DLGAP2: variants seen among roughly 807,000 people sequenced by gnomAD.
DLGAP2 encodes disks large-associated protein 2.
A neutral mutation model predicts 100.3 loss-of-function variants in DLGAP2; 26 were observed. The ratio of observed to expected loss-of-function variants is 0.26; its 90% CI spans 0.19 to 0.36. The LOEUF is 0.36. Ranked by LOEUF, DLGAP2 falls within the 10% of genes least tolerant of loss-of-function variation. The pLI, the probability that DLGAP2 is intolerant of heterozygous loss-of-function variation, is 1.00. For missense variants in DLGAP2, 1,858 were observed against 1,453.2 expected, an observed-to-expected ratio of 1.28 and a Z score of -4.53; for synonymous variants, 886 against 630.1, an observed-to-expected ratio of 1.41 and a Z score of -6.08.
At chr8:1,535,772 C>G (rs1801135556) in intron 4 of DLGAP2, among the ~76,000 whole-genome samples, 1 of 152,216 alleles carries the variant, frequency 6.6e-6, no homozygotes, top group Non-Finnish European at 1.5e-5. Context: ...ACTTAGGACA[C>G]ATTGTTGAGC....
chr8:1,217,821 C>T (rs1246595355), intron 2 of DLGAP2, among the ~76,000 whole-genome samples: 1 of 152,076 alleles, frequency 6.6e-6, no homozygotes, highest in African/African-American at 2.4e-5. Context: ...GAGGGTATCT[C>T]ATTGTGATTT....
At chr8:1,257,430 C>T (rs935695266) in intron 2 of DLGAP2, among the ~76,000 whole-genome samples, 1 of 152,064 alleles carries the variant, frequency 6.6e-6, no homozygotes, top group Non-Finnish European at 1.5e-5. Flanking sequence ...TCTGCCTGCC[C>T]CTCCACCCCC....
At chr8:1,426,729 A>T (rs1297129100) in intron 3 of DLGAP2, among the ~76,000 whole-genome samples, 3 of 152,226 alleles carry the variant, frequency 2.0e-5, no homozygotes, top group Non-Finnish European at 2.9e-5. Flanking sequence ...GTAAAAACAT[A>T]TGCAAGAAGA....
At chr8:995,262 G>A (rs1257643929) in intron 2 of DLGAP2, among the ~76,000 whole-genome samples, 1 of 152,126 alleles carries the variant, frequency 6.6e-6, no homozygotes, top group Non-Finnish European at 1.5e-5. Flanking sequence ...GAAGTGTGTT[G>A]CACTTAGAAT....
intron 1 of DLGAP2, among the ~76,000 whole-genome samples, chr8:884,086 T>G (rs530766221): frequency 6.6e-6 from 1 of 152,360 alleles, no homozygotes; most frequent in African/African-American, 2.4e-5. Flanking sequence ...TTGTGAATAG[T>G]GCTGCAATAA....
chr8:1,172,529 C>A (rs545801274), intron 2 of DLGAP2, among the ~76,000 whole-genome samples: 1 of 152,204 alleles, frequency 6.6e-6, no homozygotes, highest in East Asian at 1.9e-4. Flanking sequence ...ACCAATCAGA[C>A]GTAGATTTGG....
At chr8:911,021 A>G (rs1453725953) in intron 2 of DLGAP2, among the ~76,000 whole-genome samples, 27 of 151,994 alleles carry the variant, frequency 1.8e-4, no homozygotes, top group Non-Finnish European at 1.5e-5. Flanking sequence ...TCCTGCTTGG[A>G]GCTGGAATCC....
At chr8:1,096,776 C>A (rs1471272524) in intron 2 of DLGAP2, among the ~76,000 whole-genome samples, 28 of 141,466 alleles carry the variant, frequency 2.0e-4, no homozygotes, top group Admixed American at 2.1e-4. Flanking sequence ...CCTTCACCCT[C>A]TGTGGCATGG....
chr8:1,111,255 T>C (rs768355551), intron 2 of DLGAP2, among the ~76,000 whole-genome samples: 80 of 151,910 alleles, frequency 5.3e-4, no homozygotes, highest in Non-Finnish European at 5.9e-5. Flanking sequence ...GCTCCCAGAG[T>C]GATGGCAGAA....
In DLGAP2 at chr8:1,563,144, G is replaced by T. The variant is rs536825953; in HGVS notation, c.1231-2539G>T. Among the ~76,000 whole-genome samples, 3 of 74,824 alleles carry T rather than the reference G, an allele frequency of 4.0e-5. No individual in the cohort carries two copies. The East Asian group carries it at 1.3e-3, about 33-fold the overall frequency. 49.1% of individuals were successfully genotyped at this position (74,824 alleles called of 152,430 possible). The stretch of plus-strand genomic sequence containing the variant: ...CGCCTCATTGCTGGGGGACTGTGTG[G>T]TGTTGGGGTGTCCGCGCCTCGTTAC... On this transcript the variant is annotated intron_variant, in intron 5 of 14. Transcript: ENST00000637795.
At chr8:1,579,721 A>G (rs967066808) in intron 6 of DLGAP2, among the ~76,000 whole-genome samples, 4 of 152,368 alleles carry the variant, frequency 2.6e-5, no homozygotes, top group East Asian at 1.9e-4. Flanking sequence ...AGTTTATTCT[A>G]GAGAAATTCC....
At chr8:1,320,581 C>A (rs1018801976) in intron 3 of DLGAP2, among the ~76,000 whole-genome samples, 1 of 152,204 alleles carries the variant, frequency 6.6e-6, no homozygotes, top group African/African-American at 2.4e-5. Context: ...CCTGGTGCTT[C>A]ATGCTCAGCT....
At chr8:1,083,114 A>T (rs1311103918) in intron 2 of DLGAP2, among the ~76,000 whole-genome samples, 1 of 152,224 alleles carries the variant, frequency 6.6e-6, no homozygotes. Context: ...TCTGTGTGTG[A>T]GAGAGGAGTA....
At chr8:1,512,130 C>G (rs1190553615) in intron 4 of DLGAP2, among the ~76,000 whole-genome samples, 1 of 152,222 alleles carries the variant, frequency 6.6e-6, no homozygotes, top group Non-Finnish European at 1.5e-5. Flanking sequence ...GTCTGGTCCA[C>G]AGTTCAGTGG....
intron 1 of DLGAP2, among the ~76,000 whole-genome samples, chr8:855,285 G>A (rs10503151): frequency 0.045 from 6,854 of 152,128 alleles, 236 homozygotes; most frequent in African/African-American, 0.093. Context: ...GGCACTTTCA[G>A]CATGAATGCC....
At chr8:1,231,821 G>A (rs1351360929) in intron 2 of DLGAP2, among the ~76,000 whole-genome samples, 4 of 152,070 alleles carry the variant, frequency 2.6e-5, no homozygotes, top group East Asian at 1.9e-4. Flanking sequence ...AAGGAAGGGC[G>A]GGAGGAAGTG....
At chr8:1,222,555 A>T (rs13255577) in intron 2 of DLGAP2, among the ~76,000 whole-genome samples, 1 of 151,682 alleles carries the variant, frequency 6.6e-6, no homozygotes, top group Non-Finnish European at 1.5e-5. Context: ...GTAAGTGCAC[A>T]TGCATGTATG....
intron 3 of DLGAP2, among the ~76,000 whole-genome samples, chr8:1,438,535 C>G (rs913854187): frequency 6.6e-6 from 1 of 152,142 alleles, no homozygotes; most frequent in Non-Finnish European, 1.5e-5. Flanking sequence ...TAGCTTTTGA[C>G]TAAGTAATTT....
At chr8:1,664,179 G>A (rs755037004) in intron 8 of DLGAP2, among the ~76,000 whole-genome samples, 18 of 152,156 alleles carry the variant, frequency 1.2e-4, no homozygotes, top group Non-Finnish European at 2.5e-4. Context: ...CCGTGGCAGC[G>A]TTGGTGCATC....
Sources: gnomAD v4.1 joint callset for allele counts (sites outside exome capture counted in the v4.1 genomes callset) on GRCh38, gnomAD v4.1.1 for gene constraint, MANE v1.5 for transcripts, NCBI Gene and HGNC (gene_info 2026-07-23, HGNC 2026-07-21) for gene names.